Variants in ROBO2 observed in about 807,000 individuals in gnomAD.
The protein encoded by ROBO2 is roundabout guidance receptor 2.
ROBO2 carries 53 observed loss-of-function variants against 160.8 expected under a neutral mutation model. That is an observed-to-expected ratio of 0.33 (90% CI 0.26 to 0.41). The LOEUF is 0.41. ROBO2 is among the 10% of genes least tolerant of loss of function. The probability of loss-of-function intolerance (pLI) is 1.00; values close to 1 mark genes in which losing one functional copy is unlikely to be tolerated. For missense variants in ROBO2, 1,577 were observed against 1,722.4 expected, an observed-to-expected ratio of 0.92 and a Z score of 1.49; for synonymous variants, 664 against 611.7, an observed-to-expected ratio of 1.09 and a Z score of -1.26.
chr3:77,128,337 G>T (rs2150331406), intron 2 of ROBO2, among the ~76,000 whole-genome samples: 1 of 152,210 alleles, frequency 6.6e-6, no homozygotes, highest in East Asian at 1.9e-4. Flanking sequence ...TAGTCATTTA[G>T]GAGACCTCTT....
At chr3:77,475,284 C>A (rs2083864925) in intron 2 of ROBO2, among the ~76,000 whole-genome samples, 1 of 152,130 alleles carries the variant, frequency 6.6e-6, no homozygotes, top group Non-Finnish European at 1.5e-5. Flanking sequence ...TGTTAGATTT[C>A]TTGGCTTCAT....
chr3:76,174,072 G>A (rs1457375777), intron 2 of ROBO2, among the ~76,000 whole-genome samples: 1 of 152,090 alleles, frequency 6.6e-6, no homozygotes, highest in Non-Finnish European at 1.5e-5. Context: ...GCATGACGTG[G>A]TATCTCATTG....
At chr3:77,305,219 T>C (rs1013005113) in intron 2 of ROBO2, among the ~76,000 whole-genome samples, 3 of 152,250 alleles carry the variant, frequency 2.0e-5, no homozygotes, top group African/African-American at 7.2e-5. Flanking sequence ...AGTGTGGCTG[T>C]TAAAATGTGC....
At chr3:77,582,689 T>C (rs749861841) in intron 16 of ROBO2, among the ~76,000 whole-genome samples, 2 of 152,130 alleles carry the variant, frequency 1.3e-5, no homozygotes, top group Non-Finnish European at 2.9e-5. Flanking sequence ...CATCTTTTTT[T>C]TGTTGTTGTT....
chr3:76,127,663 T>G (rs1576969409), intron 2 of ROBO2, among the ~76,000 whole-genome samples: 1 of 151,992 alleles, frequency 6.6e-6, no homozygotes, highest in Middle Eastern at 3.4e-3. Flanking sequence ...AAAACCAATC[T>G]GTGAATTATC....
intron 2 of ROBO2, among the ~76,000 whole-genome samples, chr3:76,281,734 T>C (rs563172200): frequency 1.7e-3 from 261 of 152,130 alleles, no homozygotes; most frequent in African/African-American, 5.8e-3. Context: ...TGAAGAAGTA[T>C]AATTACCCTT....
chr3:75,999,496 A>C (rs1018991243), intron 2 of ROBO2, among the ~76,000 whole-genome samples: 2 of 152,180 alleles, frequency 1.3e-5, no homozygotes, highest in African/African-American at 4.8e-5. Context: ...CTGATTAATT[A>C]TAAAATTATT....
At chr3:77,175,509 A>G (rs186651339) in intron 2 of ROBO2, among the ~76,000 whole-genome samples, 1 of 152,096 alleles carries the variant, frequency 6.6e-6, no homozygotes, top group East Asian at 1.9e-4. Flanking sequence ...ATGAAGTGAT[A>G]TTGTTGGATC....
intron 2 of ROBO2, among the ~76,000 whole-genome samples, chr3:76,251,641 T>C (rs141370070): frequency 2.0e-5 from 3 of 152,100 alleles, no homozygotes; most frequent in African/African-American, 7.2e-5. Context: ...TCTTTTGGAG[T>C]TGCTTATGTA....
intron 23 of ROBO2, among the ~76,000 whole-genome samples, chr3:77,624,359 T>C (rs1022902305): frequency 1.3e-5 from 2 of 152,116 alleles, no homozygotes; most frequent in Admixed American, 6.6e-5. Context: ...TGTGTGAGTG[T>C]ATTAGAACGT....
intron 2 of ROBO2, among the ~76,000 whole-genome samples, chr3:76,317,874 A>G (rs1376863841): frequency 6.6e-6 from 1 of 152,036 alleles, no homozygotes; most frequent in Non-Finnish European, 1.5e-5. Context: ...GATTTTGATA[A>G]TGAAAAAAAT....
intron 2 of ROBO2, among the ~76,000 whole-genome samples, chr3:76,774,046 T>C (rs757774243): frequency 1.3e-5 from 2 of 150,896 alleles, no homozygotes; most frequent in African/African-American, 4.8e-5. Flanking sequence ...TTGTTATTTC[T>C]GTGGGGCTTC....
intron 2 of ROBO2, among the ~76,000 whole-genome samples, chr3:77,135,980 T>C (rs1033432023): frequency 6.6e-6 from 1 of 152,142 alleles, no homozygotes; most frequent in Middle Eastern, 3.2e-3. Context: ...GTTTCTATAA[T>C]TAAAAATACC....
At chr3:76,278,954 A>G (rs1487666393) in intron 2 of ROBO2, among the ~76,000 whole-genome samples, 1 of 151,928 alleles carries the variant, frequency 6.6e-6, no homozygotes, top group African/African-American at 2.4e-5. Flanking sequence ...ATTCTATTTG[A>G]TACTCATAGA....
At chr3:77,291,149 A>G (rs1288833467) in intron 2 of ROBO2, among the ~76,000 whole-genome samples, 2 of 151,818 alleles carry the variant, frequency 1.3e-5, no homozygotes, top group Admixed American at 1.3e-4. Context: ...ACTGATGGTT[A>G]AACGGGAAGT....
At chr3:76,436,642 T>C (rs2076697043) in intron 2 of ROBO2, among the ~76,000 whole-genome samples, 1 of 151,856 alleles carries the variant, frequency 6.6e-6, no homozygotes. Flanking sequence ...GTGCTTAAAG[T>C]TATACAGAAA....
At chr3:76,042,541 C>A in intron 2 of ROBO2, among the ~76,000 whole-genome samples, 1 of 151,686 alleles carries the variant, frequency 6.6e-6, no homozygotes, top group East Asian at 1.9e-4. Context: ...TTATTTTTAC[C>A]CTTGAGGGAA....
At chr3:77,067,632 G>C (rs184344503) in intron 1 of ROBO2, among the ~76,000 whole-genome samples, 1 of 152,164 alleles carries the variant, frequency 6.6e-6, no homozygotes, top group African/African-American at 2.4e-5. Flanking sequence ...TATAGACTCA[G>C]TGCTGAATTG....
At chr3:76,348,867 A>G (rs2074697135) in intron 2 of ROBO2, among the ~76,000 whole-genome samples, 2 of 152,146 alleles carry the variant, frequency 1.3e-5, no homozygotes, top group Non-Finnish European at 2.9e-5. Flanking sequence ...ATTATTGAAC[A>G]TGTTCAAAAA....
Sources: allele counts gnomAD v4.1 joint callset (sites outside exome capture counted in the v4.1 genomes callset), GRCh38; gene constraint gnomAD v4.1.1; transcripts MANE v1.5; gene names NCBI Gene and HGNC (gene_info 2026-07-23, HGNC 2026-07-21).